The following LHFPL3 variants were observed in gnomAD, a reference collection of about 807,000 sequenced individuals.
LHFPL3 encodes the protein LHFPL tetraspan subfamily member 3 protein.
Under a neutral mutation model 19.3 loss-of-function variants are expected in LHFPL3, and 5 were observed. That is an observed-to-expected ratio of 0.26 (90% CI 0.14 to 0.54). The LOEUF (loss-of-function observed/expected upper bound fraction) is 0.54, where lower values mean the gene tolerates loss of function less well. Ranked by LOEUF, LHFPL3 falls within the 20% of genes least tolerant of loss-of-function variation. The probability of loss-of-function intolerance (pLI) is 0.94; values close to 1 mark genes in which losing one functional copy is unlikely to be tolerated. For synonymous variants in LHFPL3, 133 were observed against 126.2 expected, an observed-to-expected ratio of 1.05 and a Z score of -0.36; for missense variants, 249 against 307.4, an observed-to-expected ratio of 0.81 and a Z score of 1.42.
At chr7:104,522,458 G>A (rs1794090068) in intron 1 of LHFPL3, among the ~76,000 whole-genome samples, 1 of 151,202 alleles carries the variant, frequency 6.6e-6, no homozygotes, top group South Asian at 2.1e-4. Flanking sequence ...AGTGGGTGCA[G>A]CGCACCAGCA....
intron 1 of LHFPL3, among the ~76,000 whole-genome samples, chr7:104,368,454 C>T (rs1790538915): frequency 6.6e-6 from 1 of 152,224 alleles, no homozygotes; most frequent in Admixed American, 6.5e-5. Flanking sequence ...TGCTTGCAGA[C>T]ATCCGCTACC....
intron 1 of LHFPL3, among the ~76,000 whole-genome samples, chr7:104,431,014 AATG>A (rs1318359136): frequency 3.9e-5 from 6 of 152,184 alleles, no homozygotes; most frequent in African/African-American, 1.2e-4. Flanking sequence ...ATCGTGACCA[AATG>A]ATGATGAATA....
At chr7:104,540,883 T>A (rs933951800) in intron 1 of LHFPL3, among the ~76,000 whole-genome samples, 3 of 152,142 alleles carry the variant, frequency 2.0e-5, no homozygotes, top group Non-Finnish European at 2.9e-5. Flanking sequence ...CTTCCACTAC[T>A]TTAGCTCAAA....
At chr7:104,516,511 ATTAAT>A (rs1248592827) in intron 1 of LHFPL3, among the ~76,000 whole-genome samples, 1 of 152,188 alleles carries the variant, frequency 6.6e-6, no homozygotes, top group Non-Finnish European at 1.5e-5. Flanking sequence ...GCCAAAATTA[ATTAAT>A]TTGATTGGTT....
chr7:104,631,533 A>G (rs1791641356), intron 1 of LHFPL3, among the ~76,000 whole-genome samples: 1 of 152,136 alleles, frequency 6.6e-6, no homozygotes, highest in African/African-American at 2.4e-5. Context: ...GGGTTGGAGG[A>G]GGAGGGTGAT....
chr7:104,527,449 A>G (rs1198871525), intron 1 of LHFPL3, among the ~76,000 whole-genome samples: 1 of 152,118 alleles, frequency 6.6e-6, no homozygotes, highest in East Asian at 1.9e-4. Context: ...CAGATTTGGG[A>G]TAAAATTTGA....
intron 1 of LHFPL3, among the ~76,000 whole-genome samples, chr7:104,534,772 G>A (rs1023574411): frequency 9.2e-5 from 14 of 152,094 alleles, no homozygotes; most frequent in African/African-American, 3.4e-4. Context: ...TAACCAAACA[G>A]TATGCATTTT....
intron 2 of LHFPL3, among the ~76,000 whole-genome samples, chr7:104,767,059 T>G (rs1794467728): frequency 1.3e-5 from 2 of 152,228 alleles, no homozygotes; most frequent in Admixed American, 1.3e-4. Context: ...CTTCAAATTT[T>G]GAGTAAAGTT....
chr7:104,818,780 TTCTCTCTCTC>T (rs147373563), intron 2 of LHFPL3, among the ~76,000 whole-genome samples: 1 of 148,338 alleles, frequency 6.7e-6, no homozygotes. Flanking sequence ...CCTTTCTCCT[TTCTCTCTCTC>T]TCTCTCTCTC....
At chr7:104,833,248 G>C (rs1435601451) in intron 2 of LHFPL3, among the ~76,000 whole-genome samples, 1 of 81,338 alleles carries the variant, frequency 1.2e-5, no homozygotes, top group Non-Finnish European at 2.2e-5. Flanking sequence ...TGTATTACTA[G>C]AGGGACAGAA....
intron 2 of LHFPL3, among the ~76,000 whole-genome samples, chr7:104,776,424 G>A (rs1349893630): frequency 6.6e-6 from 1 of 152,090 alleles, no homozygotes; most frequent in Non-Finnish European, 1.5e-5. Flanking sequence ...CCCCAAAATT[G>A]TAGTCAAGGC....
chr7:104,383,462 G>T (rs1400996913), intron 1 of LHFPL3, among the ~76,000 whole-genome samples: 1 of 152,194 alleles, frequency 6.6e-6, no homozygotes, highest in African/African-American at 2.4e-5. Context: ...ATGCAAACAG[G>T]CCAGCATTTC....
At chr7:104,594,723 G>A (rs897539714) in intron 1 of LHFPL3, among the ~76,000 whole-genome samples, 5 of 152,146 alleles carry the variant, frequency 3.3e-5, no homozygotes, top group Non-Finnish European at 7.4e-5. Context: ...TTCCTTGGAG[G>A]CTTTGTTCAT....
intron 1 of LHFPL3, among the ~76,000 whole-genome samples, chr7:104,330,690 C>CCG (rs1467040546): frequency 1.3e-5 from 2 of 152,150 alleles, no homozygotes; most frequent in African/African-American, 4.8e-5. Flanking sequence ...ACCATTATCT[C>CCG]CTGAACGGGG....
intron 1 of LHFPL3, among the ~76,000 whole-genome samples, chr7:104,563,077 C>G (rs1175956357): frequency 6.6e-5 from 10 of 152,030 alleles, no homozygotes; most frequent in African/African-American, 1.4e-4. Context: ...AACCACTGCT[C>G]TCTTCAAAGC....
intron 1 of LHFPL3, among the ~76,000 whole-genome samples, chr7:104,683,486 T>C (rs1792749489): frequency 6.6e-6 from 1 of 152,226 alleles, no homozygotes; most frequent in South Asian, 2.1e-4. Flanking sequence ...ATTCAAATCA[T>C]GTAGTGATGA....
intron 2 of LHFPL3, among the ~76,000 whole-genome samples, chr7:104,769,960 G>C (rs1794524661): frequency 1.3e-5 from 2 of 152,006 alleles, no homozygotes; most frequent in Non-Finnish European, 2.9e-5. Context: ...TTTTATTTTT[G>C]ACATACAAAA....
At chr7:104,446,777 T>C (rs113928209) in intron 1 of LHFPL3, among the ~76,000 whole-genome samples, 7,273 of 152,032 alleles carry the variant, frequency 0.048, 587 homozygotes, top group African/African-American at 0.17. Context: ...AGGGTTTCAC[T>C]GTGTTAGCCA....
At chr7:104,653,293 T>C (rs1792063410) in intron 1 of LHFPL3, among the ~76,000 whole-genome samples, 1 of 152,228 alleles carries the variant, frequency 6.6e-6, no homozygotes, top group East Asian at 1.9e-4. Flanking sequence ...GGCAGGGTCA[T>C]GGAAATATAA....
Sources: allele counts gnomAD v4.1 joint callset (sites outside exome capture counted in the v4.1 genomes callset), GRCh38; gene constraint gnomAD v4.1.1; transcripts MANE v1.5; gene names NCBI Gene and HGNC (gene_info 2026-07-23, HGNC 2026-07-21).